Variants in NHP2 observed in about 807,000 individuals in gnomAD.
The protein encoded by NHP2 is NHP2 ribonucleoprotein.
Under a neutral mutation model 16.7 loss-of-function variants are expected in NHP2, and 10 were observed. The observed-to-expected ratio is 0.60, with a 90% CI of 0.37 to 1.01. The LOEUF is 1.01. Among genes scored for constraint, NHP2 ranks in the 50% least tolerant of loss-of-function variants. The pLI is 0.01. For synonymous variants in NHP2, 87 were observed against 78.9 expected, an observed-to-expected ratio of 1.10 and a Z score of -0.54; for missense variants, 184 against 198.3, an observed-to-expected ratio of 0.93 and a Z score of 0.43.
At chr5:178,151,260 T>G (rs1246669001) in intron 2 of NHP2, among the ~76,000 whole-genome samples, 1 of 152,132 alleles carries the variant, frequency 6.6e-6, no homozygotes, top group Non-Finnish European at 1.5e-5. Flanking sequence ...AGGTGACACT[T>G]GAACAGCACG....
chr5:178,151,392 C>A (rs1756274548), intron 2 of NHP2, among the ~76,000 whole-genome samples: 1 of 152,152 alleles, frequency 6.6e-6, no homozygotes, highest in Non-Finnish European at 1.5e-5. Flanking sequence ...CCCCCAAGAC[C>A]TTGAGTACCA....
rs1401491295 is a variant in NHP2, at chr5:178,153,523, C to T, written c.198G>A (p.Glu66=). 3 of 1,614,166 alleles carry T rather than the reference C, an allele frequency of 1.9e-6. No individual in the cohort carries two copies. Among genetic ancestry groups the T allele is most frequent in the South Asian group, 2.2e-5 (2 of 91,084 alleles). ...KQKQIRRGVK[E]VQKFVNKGEK... ...CTCCTTTGTTGACAAATTTCTGAAC[C>T]TCTTTCACCCCGCGCCGAATCTGCT... The change falls in exon 2 of 4, where the codon GAG becomes GAA. Residue 66 remains glutamate, a synonymous_variant. Transcript: ENST00000274606.
chr5:178,153,621 C>G lies in NHP2; in HGVS notation c.160+37G>C. On this transcript the variant is annotated intron_variant, in intron 1 of 3. Coordinates refer to ENST00000274606, the MANE Select transcript of NHP2 (RefSeq NM_017838.4). ...CAGCCACCCGCGCACCCATCCCACC[C>G]GCGCACCCATCCCGGCCACGCCGCC... 1.2e-6 allele frequency: 2 copies of G among 1,613,904 alleles called. 1 individual carries two copies. The highest frequency in any genetic ancestry group is 2.2e-5 in the South Asian group (2 of 91,076).
rs1756204471 is a variant in NHP2, at chr5:178,149,551, G to A, written c.*162C>T. Reference sequence around the variant, plus strand: ...AATGGCACTGATGGACAGAAGACTAGCATTACCTTCATGAAAGGGCTGTTA... The same window carrying A: ...AATGGCACTGATGGACAGAAGACTAACATTACCTTCATGAAAGGGCTGTTA... On this transcript the variant is annotated 3_prime_UTR_variant, in exon 4 of 4. Transcript: ENST00000274606. 1.3e-6 allele frequency: 1 copy of A among 766,596 alleles called. No individual in the cohort carries two copies. Among genetic ancestry groups the A allele is most frequent in the Admixed American group, 2.5e-5 (1 of 39,408 alleles). The allele number at this position is 766,596 out of a possible 1,614,324, so 47.5% of individuals were successfully genotyped here. A position where few individuals can be genotyped will look rare whatever the true frequency, so the allele number is the denominator to read the frequency against.
Position 178,149,471 on chromosome 5 carries a change from T to G in NHP2, c.*242A>C. 4.0e-6 allele frequency: 2 copies of G among 494,724 alleles called. No individual in the cohort carries two copies. Among genetic ancestry groups the G allele is most frequent in the Non-Finnish European group, 7.5e-6 (2 of 268,080 alleles). 30.6% of individuals were successfully genotyped at this position (494,724 alleles called of 1,614,324 possible). A position where few individuals can be genotyped will look rare whatever the true frequency, so the allele number is the denominator to read the frequency against. On this transcript the variant is annotated 3_prime_UTR_variant, in exon 4 of 4. Coordinates refer to ENST00000274606, the MANE Select transcript of NHP2 (RefSeq NM_017838.4). ...CCCACAGACTCACCACATTTTAGTCTTAGCATTTACTTTCCCCACCCCACA... is the reference window on the plus strand; with the variant it reads ...CCCACAGACTCACCACATTTTAGTCGTAGCATTTACTTTCCCCACCCCACA...
At chr5:178,150,138 T>G in intron 3 of NHP2, 1 of 303,450 alleles carries the variant, frequency 3.3e-6, no homozygotes, top group South Asian at 3.8e-5. Context: ...TGGCCCCTGT[T>G]ACGTAAGATA....
At chr5:178,153,059 A>G (rs1756316306) in intron 2 of NHP2, among the ~76,000 whole-genome samples, 1 of 152,248 alleles carries the variant, frequency 6.6e-6, no homozygotes, top group Admixed American at 6.5e-5. Flanking sequence ...CCGCACTCCA[A>G]CCTGGGTGAG....
In NHP2 at chr5:178,153,864, T is replaced by C. The variant is rs979770454; in HGVS notation, c.-47A>G. On this transcript the variant is annotated 5_prime_UTR_variant, in exon 1 of 4. Coordinates refer to ENST00000274606, the MANE Select transcript of NHP2 (RefSeq NM_017838.4). ...GTCCCAGGGAGGCGAGCCCACGCGG[T>C]CCACAGCTTTAGGCATCACTTCCAG... 1 of 1,571,912 alleles carries C rather than the reference T, an allele frequency of 6.4e-7. No homozygotes were observed. The highest frequency in any genetic ancestry group is 8.6e-7 in the Non-Finnish European group (1 of 1,158,426).
At chr5:178,150,464 T>G in intron 3 of NHP2, 1 of 355,414 alleles carries the variant, frequency 2.8e-6, no homozygotes, top group South Asian at 2.2e-5. Context: ...CACTGCAGCC[T>G]TGAACTCCTG....
chr5:178,150,194 T>A (rs1471877735), intron 3 of NHP2: 2 of 231,824 alleles, frequency 8.6e-6, no homozygotes, highest in Admixed American at 1.0e-4. Flanking sequence ...CTAACCGGAC[T>A]AACATGGGTG....
Position 178,149,715 on chromosome 5 carries a change from A to G in NHP2, c.460T>C (p.Ter154ArgextTer51). ...TGCCCAGGTGCTACCGGAGCCCCTCATAGGGGTAGGGGCAGGGACTGCACC... is the reference window on the plus strand; with the variant it reads ...TGCCCAGGTGCTACCGGAGCCCCTCGTAGGGGTAGGGGCAGGGACTGCACC... ...EEVQSLPLPL[*>R] The change falls in exon 4 of 4, where the codon TGA becomes CGA. Residue 154 changes from the stop codon to arginine (R), a stop_lost. Transcript: ENST00000274606. 6.2e-7 allele frequency: 1 copy of G among 1,613,734 alleles called. No individual in the cohort carries two copies. The highest frequency in any genetic ancestry group is 8.5e-7 in the Non-Finnish European group (1 of 1,179,948).
In NHP2 at chr5:178,153,575, G is replaced by A. The variant is rs774227396; in HGVS notation, c.161-15C>T. On this transcript the variant is annotated splice_polypyrimidine_tract_variant and intron_variant, in intron 1 of 3. Coordinates refer to ENST00000274606, the MANE Select transcript of NHP2 (RefSeq NM_017838.4). Reference sequence around the variant, plus strand: ...CTGCTTCACCGCTGCAACGACAGAAGAGTCGGTCGGGGGCCTCGCTCAGCC... The same window carrying A: ...CTGCTTCACCGCTGCAACGACAGAAAAGTCGGTCGGGGGCCTCGCTCAGCC... The A allele has an allele frequency of 1.9e-6, 3 of 1,613,838 alleles. No individual in the cohort carries two copies. Among genetic ancestry groups the A allele is most frequent in the South Asian group, 2.2e-5 (2 of 91,092 alleles).
At chr5:178,153,281 C>A in intron 2 of NHP2, 1 of 646,564 alleles carries the variant, frequency 1.5e-6, no homozygotes, top group Non-Finnish European at 2.8e-6. Flanking sequence ...TTACACAATT[C>A]GCTTCACTTT....
chr5:178,153,529 C>A lies in NHP2; in HGVS notation c.192G>T (p.Val64=), dbSNP rs1156962081. 1 of 1,614,110 alleles carries A rather than the reference C, an allele frequency of 6.2e-7. No homozygotes were observed. The highest frequency in any genetic ancestry group is 8.5e-7 in the Non-Finnish European group (1 of 1,180,052). The change falls in exon 2 of 4, where the codon GTG becomes GTT. Residue 64 remains valine (V), a synonymous_variant. Transcript: ENST00000274606. ...AVKQKQIRRG[V]KEVQKFVNKG... is the part of the protein sequence containing the mutation. ...TGTTGACAAATTTCTGAACCTCTTT[C>A]ACCCCGCGCCGAATCTGCTTCTGCT...
chr5:178,152,852 T>C (rs1408182630), intron 2 of NHP2, among the ~76,000 whole-genome samples: 1 of 152,222 alleles, frequency 6.6e-6, no homozygotes, highest in Non-Finnish European at 1.5e-5. Flanking sequence ...TTCGGGAGGC[T>C]GAGGCAGGAG....
At chr5:178,153,584 G>C in intron 1 of NHP2, 24 bp from the exon 2 acceptor site, 5 of 1,613,168 alleles carry the variant, frequency 3.1e-6, no homozygotes, top group Non-Finnish European at 4.2e-6. Context: ...AGAGTCGGTC[G>C]GGGGCCTCGC....
chr5:178,151,199 A>G (rs1366389508), intron 2 of NHP2, among the ~76,000 whole-genome samples: 1 of 152,158 alleles, frequency 6.6e-6, no homozygotes, highest in Non-Finnish European at 1.5e-5. Flanking sequence ...ATGGGTGCCA[A>G]GGTGTATGAG....
chr5:178,153,873 T>G lies in NHP2; in HGVS notation c.-56A>C, dbSNP rs190018330. On this transcript the variant is annotated 5_prime_UTR_variant, in exon 1 of 4. Transcript: ENST00000274606. ...AGGCGAGCCCACGCGGTCCACAGCT[T>G]TAGGCATCACTTCCAGGTCATCAGC... The G allele has an allele frequency of 3.6e-4, 558 of 1,556,092 alleles. No individual in the cohort carries two copies. The highest frequency in any genetic ancestry group is 5.2e-4 in the Admixed American group (27 of 51,670).
At chr5:178,150,796 C>G (rs975803706) in intron 3 of NHP2, 92 bp downstream of exon 3, 3 of 863,364 alleles carry the variant, frequency 3.5e-6, no homozygotes, top group Admixed American at 1.7e-5. Flanking sequence ...TTAGCTCCAA[C>G]ACTCCTGGCT....
Sources: allele counts gnomAD v4.1 joint callset (sites outside exome capture counted in the v4.1 genomes callset), GRCh38; gene constraint gnomAD v4.1.1; transcripts MANE v1.5; gene names NCBI Gene and HGNC (gene_info 2026-07-23, HGNC 2026-07-21).